The following GRM8 variants were observed in gnomAD, a reference collection of about 807,000 sequenced individuals.
GRM8 encodes glutamate metabotropic receptor 8.
In GRM8, 47 loss-of-function variants were observed where a neutral mutation model predicts 87.2. The ratio of observed to expected loss-of-function variants is 0.54; its 90% confidence interval spans 0.43 to 0.69. The LOEUF (loss-of-function observed/expected upper bound fraction) is 0.69. Ranked by LOEUF, GRM8 falls within the 30% of genes least tolerant of loss-of-function variation. The pLI, the probability that GRM8 is intolerant of heterozygous loss-of-function variation, is 0.00. For synonymous variants in GRM8, 396 were observed against 404.5 expected (o/e 0.98, Z 0.25); for missense variants, 1,019 against 1,139.2 (o/e 0.89, Z 1.52).
At chr7:126,465,741 G>A (rs1435667299) in intron 9 of GRM8, among the ~76,000 whole-genome samples, 2 of 151,542 alleles carry the variant, frequency 1.3e-5, no homozygotes. Flanking sequence ...CAGAATTTAT[G>A]TCATCTGCAA....
chr7:127,241,785 T>C (rs1798319517), intron 2 of GRM8, among the ~76,000 whole-genome samples: 1 of 152,208 alleles, frequency 6.6e-6, no homozygotes, highest in Non-Finnish European at 1.5e-5. Context: ...TCAGATTAAG[T>C]TGAAAAATTC....
intron 6 of GRM8, among the ~76,000 whole-genome samples, chr7:126,811,057 G>A (rs146304167): frequency 3.9e-5 from 6 of 152,216 alleles, no homozygotes; most frequent in African/African-American, 1.2e-4. Flanking sequence ...TATGGTGAGA[G>A]ATAGAGGCCC....
intron 8 of GRM8, among the ~76,000 whole-genome samples, chr7:126,572,315 A>G (rs190984373): frequency 3.9e-4 from 60 of 152,282 alleles, no homozygotes; most frequent in African/African-American, 1.4e-3. Flanking sequence ...TTATTTGGTT[A>G]AGAGAATTCC....
At chr7:127,161,392 G>T (rs1033111718) in intron 2 of GRM8, among the ~76,000 whole-genome samples, 7 of 152,132 alleles carry the variant, frequency 4.6e-5, no homozygotes, top group Non-Finnish European at 1.0e-4. Flanking sequence ...CTTTCTTCCA[G>T]TCCTAGATTT....
intron 8 of GRM8, among the ~76,000 whole-genome samples, chr7:126,570,453 A>G (rs2237743): frequency 0.31 from 46,981 of 152,128 alleles, 8,140 homozygotes; most frequent in East Asian, 0.44. Context: ...TTGTATGAAT[A>G]TAAAATAAAC....
chr7:126,479,355 C>T (rs2150586578), intron 9 of GRM8, among the ~76,000 whole-genome samples: 1 of 152,140 alleles, frequency 6.6e-6, no homozygotes, highest in East Asian at 1.9e-4. Flanking sequence ...TTTATTCTCC[C>T]TGTACCCATT....
At chr7:127,023,248 T>G (rs1816454123) in intron 3 of GRM8, among the ~76,000 whole-genome samples, 1 of 152,126 alleles carries the variant, frequency 6.6e-6, no homozygotes, top group Admixed American at 6.6e-5. Context: ...TTATTTATAG[T>G]TTATTATTAT....
chr7:126,470,113 C>T (rs1584722513), intron 9 of GRM8, among the ~76,000 whole-genome samples: 1 of 152,052 alleles, frequency 6.6e-6, no homozygotes, highest in East Asian at 1.9e-4. Context: ...GGCATTTTGC[C>T]CCTGCCTTAG....
At chr7:127,221,147 C>G (rs558577199) in intron 2 of GRM8, among the ~76,000 whole-genome samples, 1 of 152,222 alleles carries the variant, frequency 6.6e-6, no homozygotes, top group African/African-American at 2.4e-5. Flanking sequence ...TGTTCTCAAT[C>G]AACTCACCTG....
intron 7 of GRM8, among the ~76,000 whole-genome samples, chr7:126,707,294 G>C (rs185338641): frequency 5.9e-5 from 9 of 152,146 alleles, no homozygotes; most frequent in Non-Finnish European, 1.0e-4. Flanking sequence ...TTGTGTACAA[G>C]TATTTTTTTT....
chr7:126,813,604 A>T (rs1793504710), intron 6 of GRM8, among the ~76,000 whole-genome samples: 1 of 152,044 alleles, frequency 6.6e-6, no homozygotes. Context: ...TTTTTAGATC[A>T]TGTGTCACCT....
At chr7:126,960,677 T>G (rs1377983419) in intron 3 of GRM8, among the ~76,000 whole-genome samples, 1 of 152,202 alleles carries the variant, frequency 6.6e-6, no homozygotes, top group African/African-American at 2.4e-5. Flanking sequence ...AGAAAAACTA[T>G]TTTTGGATGC....
At chr7:126,852,008 G>A (rs1343911021) in intron 6 of GRM8, among the ~76,000 whole-genome samples, 1 of 152,208 alleles carries the variant, frequency 6.6e-6, no homozygotes, top group Non-Finnish European at 1.5e-5. Flanking sequence ...TACTGAGACT[G>A]AGGAGGATGG....
Position 126,533,635 on chromosome 7 carries a change from A to G in GRM8, c.1747T>C (p.Trp583Arg). 6.2e-7 allele frequency: 1 copy of G among 1,614,102 alleles called. No individual in the cohort carries two copies. Among genetic ancestry groups the G allele is most frequent in the Non-Finnish European group, 8.5e-7 (1 of 1,179,994 alleles). ...PIIKLEWHSP[W>R]AVVPVFVAIL... is the part of the protein sequence containing the mutation. ...GCAACAAACACAGGCACCACAGCCC[A>G]GGGAGAATGCCACTCCAATTTGATG... is the stretch of plus-strand genomic sequence containing the variant. Residue 583 changes from tryptophan to arginine, a missense_variant, in exon 9 of 11, where the codon TGG becomes CGG. Coordinates refer to ENST00000339582, the MANE Select transcript of GRM8 (RefSeq NM_000845.3).
chr7:126,966,554 G>A (rs1348692148), intron 3 of GRM8, among the ~76,000 whole-genome samples: 3 of 152,094 alleles, frequency 2.0e-5, no homozygotes, highest in Non-Finnish European at 2.9e-5. Context: ...ACCTTCCCAT[G>A]AAAGAGAGAA....
chr7:126,914,358 T>A (rs531886974), intron 3 of GRM8, among the ~76,000 whole-genome samples: 273 of 152,342 alleles, frequency 1.8e-3, no homozygotes, highest in African/African-American at 6.4e-3. Flanking sequence ...GAAAGCAGTA[T>A]GAAGATTTCT....
At chr7:126,570,696 C>T (rs1794621705) in intron 8 of GRM8, among the ~76,000 whole-genome samples, 1 of 152,092 alleles carries the variant, frequency 6.6e-6, no homozygotes, top group Non-Finnish European at 1.5e-5. Context: ...TCTGGCATTC[C>T]CCCCATTACC....
intron 6 of GRM8, among the ~76,000 whole-genome samples, chr7:126,830,073 C>T (rs1197046532): frequency 2.6e-5 from 4 of 152,212 alleles, no homozygotes; most frequent in African/African-American, 9.6e-5. Flanking sequence ...GAGAGATCAG[C>T]TGTTAGTCTG....
At chr7:126,483,978 T>G (rs1444385961) in intron 9 of GRM8, among the ~76,000 whole-genome samples, 10 of 152,044 alleles carry the variant, frequency 6.6e-5, no homozygotes, top group African/African-American at 2.2e-4. Context: ...GACTTGAGCA[T>G]CAGTCACTAC....
Sources: gnomAD v4.1 joint callset for allele counts (sites outside exome capture counted in the v4.1 genomes callset) on GRCh38, gnomAD v4.1.1 for gene constraint, MANE v1.5 for transcripts, NCBI Gene and HGNC (gene_info 2026-07-23, HGNC 2026-07-21) for gene names.